DIAPH3: variants seen among roughly 807,000 people sequenced by gnomAD.
The protein encoded by DIAPH3 is diaphanous related formin 3.
A neutral mutation model predicts 144.3 loss-of-function variants in DIAPH3; 117 were observed. The observed-to-expected ratio is 0.81, with a 90% CI of 0.70 to 0.95. The LOEUF is 0.95. Ranked by LOEUF, DIAPH3 falls within the 40% of genes least tolerant of loss-of-function variation. DIAPH3 has a pLI of 0.00. For missense variants in DIAPH3, 1,421 were observed against 1,412.7 expected (o/e 1.01, Z -0.09); for synonymous variants, 519 against 488.9 (o/e 1.06, Z -0.81).
intron 22 of DIAPH3, among the ~76,000 whole-genome samples, chr13:59,841,351 G>C (rs1368714057): frequency 6.6e-6 from 1 of 152,116 alleles, no homozygotes; most frequent in Admixed American, 6.6e-5. Flanking sequence ...AGCACTTTAG[G>C]AGCTGAGGTA....
At chr13:59,704,520 T>C (rs918202173) in intron 27 of DIAPH3, among the ~76,000 whole-genome samples, 1 of 152,210 alleles carries the variant, frequency 6.6e-6, no homozygotes, top group East Asian at 1.9e-4. Context: ...CCATCTAACA[T>C]GCTATGTACA....
intron 27 of DIAPH3, among the ~76,000 whole-genome samples, chr13:59,676,747 A>G (rs891355986): frequency 6.6e-6 from 1 of 152,184 alleles, no homozygotes; most frequent in African/African-American, 2.4e-5. Context: ...ACTCCTAAAA[A>G]ATTTCCATGT....
At chr13:59,713,256 G>A (rs1199077458) in intron 27 of DIAPH3, among the ~76,000 whole-genome samples, 1 of 147,744 alleles carries the variant, frequency 6.8e-6, no homozygotes, top group African/African-American at 2.5e-5. Flanking sequence ...TTTTTTTTAT[G>A]AGATGGTGTT....
At chr13:59,681,398 G>A (rs1167473621) in intron 27 of DIAPH3, among the ~76,000 whole-genome samples, 1 of 152,096 alleles carries the variant, frequency 6.6e-6, no homozygotes, top group East Asian at 1.9e-4. Flanking sequence ...GATCACTCAA[G>A]CCTGGGAGGT....
chr13:59,829,335 C>T (rs1414100295), intron 24 of DIAPH3, among the ~76,000 whole-genome samples: 3 of 151,780 alleles, frequency 2.0e-5, no homozygotes, highest in Non-Finnish European at 2.9e-5. Flanking sequence ...AAGCTAGTCC[C>T]GTTTGACACA....
intron 27 of DIAPH3, among the ~76,000 whole-genome samples, chr13:59,724,567 C>T (rs1593677277): frequency 1.3e-5 from 2 of 152,168 alleles, no homozygotes; most frequent in Non-Finnish European, 2.9e-5. Flanking sequence ...AGCTCTATTT[C>T]CTCTTTTTCC....
At chr13:59,747,353 T>G (rs145160942) in intron 27 of DIAPH3, among the ~76,000 whole-genome samples, 97 of 152,310 alleles carry the variant, frequency 6.4e-4, no homozygotes, top group African/African-American at 2.3e-3. Context: ...AGATTTTGCA[T>G]CTAGGTATTT....
chr13:59,874,748 T>G (rs953101075), intron 21 of DIAPH3, among the ~76,000 whole-genome samples: 1 of 152,200 alleles, frequency 6.6e-6, no homozygotes, highest in Non-Finnish European at 1.5e-5. Context: ...TAAAAATTAG[T>G]TATTACACGT....
At chr13:59,820,638 A>G (rs1203538173) in intron 24 of DIAPH3, among the ~76,000 whole-genome samples, 1 of 151,656 alleles carries the variant, frequency 6.6e-6, no homozygotes, top group Non-Finnish European at 1.5e-5. Context: ...CCCTCCTTCT[A>G]AAAAAAGCAT....
At position 59,969,988 on chromosome 13, in the gene DIAPH3, T is replaced by C; in HGVS notation, c.2030A>G (p.Asp677Gly). Residue 677 changes from aspartate to glycine, a missense_variant, in exon 17 of 28, where the codon GAT becomes GGT. Coordinates refer to ENST00000400324, the MANE Select transcript of DIAPH3 (RefSeq NM_001042517.2). Reference protein sequence around the residue: ...KVNENKYENVDLLCKLENTFC... With the variant: ...KVNENKYENVGLLCKLENTFC... ...TGTATTCTCAAGTTTACAAAGCAAATCCACGTTTTCATACTTATTTTCATT... is the reference window on the plus strand; with the variant it reads ...TGTATTCTCAAGTTTACAAAGCAAACCCACGTTTTCATACTTATTTTCATT... 1 of 1,610,272 alleles carries C rather than the reference T, an allele frequency of 6.2e-7. No individual in the cohort carries two copies. Among genetic ancestry groups the C allele is most frequent in the Non-Finnish European group, 8.5e-7 (1 of 1,177,844 alleles).
At chr13:59,919,418 A>G (rs1038142024) in intron 18 of DIAPH3, among the ~76,000 whole-genome samples, 1 of 152,166 alleles carries the variant, frequency 6.6e-6, no homozygotes, top group Non-Finnish European at 1.5e-5. Flanking sequence ...CAACAAGAGA[A>G]AATAATAAAA....
At chr13:59,902,641 T>C (rs2046505647) in intron 20 of DIAPH3, among the ~76,000 whole-genome samples, 2 of 152,222 alleles carry the variant, frequency 1.3e-5, no homozygotes, top group East Asian at 3.9e-4. Flanking sequence ...CCAAGCATGG[T>C]GGCGCACACC....
intron 1 of DIAPH3, among the ~76,000 whole-genome samples, chr13:60,134,035 T>C (rs1159752386): frequency 6.6e-6 from 1 of 152,236 alleles, no homozygotes; most frequent in African/African-American, 2.4e-5. Context: ...ACCTCAGTGA[T>C]GATCCAGATT....
At chr13:60,156,939 A>ATATATATATATATATATATATATATAT (rs1337230427) in intron 1 of DIAPH3, among the ~76,000 whole-genome samples, 1 of 82,070 alleles carries the variant, frequency 1.2e-5, no homozygotes, top group Non-Finnish European at 2.3e-5. Context: ...ATATATATAT[A>ATATATATATATATATATATATATATAT]TTTTTTTTTT....
intron 17 of DIAPH3, among the ~76,000 whole-genome samples, chr13:59,966,645 A>C (rs1221097184): frequency 6.6e-6 from 1 of 152,188 alleles, no homozygotes; most frequent in Non-Finnish European, 1.5e-5. Context: ...ACTTGACAAC[A>C]AATAAAGTCT....
chr13:60,065,879 C>T (rs1467620302), intron 4 of DIAPH3, among the ~76,000 whole-genome samples: 1 of 151,974 alleles, frequency 6.6e-6, no homozygotes, highest in Non-Finnish European at 1.5e-5. Flanking sequence ...AATACAGTGG[C>T]CCTGAAAAGC....
intron 27 of DIAPH3, among the ~76,000 whole-genome samples, chr13:59,744,013 C>A (rs1293849674): frequency 6.6e-6 from 1 of 152,068 alleles, no homozygotes; most frequent in Non-Finnish European, 1.5e-5. Flanking sequence ...TTGTTAGGAT[C>A]GACTTTTTAT....
intron 27 of DIAPH3, among the ~76,000 whole-genome samples, chr13:59,716,160 C>T (rs930227460): frequency 8.4e-5 from 12 of 143,436 alleles, no homozygotes; most frequent in Non-Finnish European, 1.2e-4. Flanking sequence ...AATAATGCTG[C>T]GCTTGTATAT....
At chr13:60,022,294 G>A (rs1028975210) in intron 5 of DIAPH3, among the ~76,000 whole-genome samples, 2 of 152,200 alleles carry the variant, frequency 1.3e-5, no homozygotes, top group African/African-American at 2.4e-5. Flanking sequence ...TAAAACAAGC[G>A]TCCTGAAAGC....
Sources: gnomAD v4.1 joint callset for allele counts (sites outside exome capture counted in the v4.1 genomes callset) on GRCh38, gnomAD v4.1.1 for gene constraint, MANE v1.5 for transcripts, NCBI Gene and HGNC (gene_info 2026-07-23, HGNC 2026-07-21) for gene names.